Variants in CERS6 observed in about 807,000 individuals in gnomAD.
CERS6 encodes ceramide synthase 6, also known as LAG1 homolog, ceramide synthase 6.
In CERS6, 26 loss-of-function variants were observed where a neutral mutation model predicts 56.8. The observed-to-expected ratio is 0.46, with a 90% confidence interval of 0.34 to 0.63. The LOEUF (loss-of-function observed/expected upper bound fraction) is 0.63, where lower values mean the gene tolerates loss of function less well. Ranked by LOEUF, CERS6 falls within the 30% of genes least tolerant of loss-of-function variation. The pLI is 0.01. For missense variants in CERS6, 415 were observed against 467.5 expected (o/e 0.89, Z 1.04); for synonymous variants, 164 against 173.3 (o/e 0.95, Z 0.42).
chr2:168,517,527 A>AATAAATAAATAAAT (rs764294452), intron 1 of CERS6, among the ~76,000 whole-genome samples: 12 of 150,942 alleles, frequency 8.0e-5, no homozygotes, highest in Middle Eastern at 6.8e-3. Context: ...ATAAATAATA[A>AATAAATAAATAAAT]AATAAAATAA....
intron 3 of CERS6, among the ~76,000 whole-genome samples, chr2:168,578,846 G>C (rs919615095): frequency 1.3e-5 from 2 of 151,934 alleles, no homozygotes; most frequent in African/African-American, 4.8e-5. Context: ...AGTAATCCTC[G>C]GCCTCTGATA....
intron 4 of CERS6, among the ~76,000 whole-genome samples, chr2:168,659,482 C>T (rs1685573660): frequency 6.6e-6 from 1 of 152,102 alleles, no homozygotes. Context: ...CATTGTTCAT[C>T]AGATTACTTT....
chr2:168,702,736 T>C (rs1686836327), intron 6 of CERS6, among the ~76,000 whole-genome samples: 1 of 152,224 alleles, frequency 6.6e-6, no homozygotes, highest in Non-Finnish European at 1.5e-5. Context: ...ATTGATATGA[T>C]TTTAGATTCC....
intron 3 of CERS6, among the ~76,000 whole-genome samples, chr2:168,606,884 T>C (rs929737368): frequency 9.9e-5 from 15 of 152,136 alleles, no homozygotes; most frequent in African/African-American, 3.6e-4. Context: ...ACCTTCCCCC[T>C]CTCTCTCTTG....
Position 168,769,523 on chromosome 2 carries a change from A to T in CERS6, c.1016A>T (p.Asp339Val). The part of the protein sequence containing the change: ...AVSRGKVSKD[D>V]RSDIESSSDE... ...TCTACTCCACAGGTGTCCAAGGATG[A>T]TCGAAGTGATATTGAGTCTAGCTCA... The change falls in exon 10 of 10, where the codon GAT becomes GTT. Residue 339 changes from aspartate to valine, a missense_variant. By Grantham distance (152) the Asp-to-Val change is radical. Transcript: ENST00000305747. 6.2e-7 allele frequency: 1 copy of T among 1,600,574 alleles called. No homozygotes were observed. The highest frequency in any genetic ancestry group is 8.5e-7 in the Non-Finnish European group (1 of 1,175,954).
intron 5 of CERS6, 141 bp from the exon 6 acceptor site, chr2:168,694,818 C>T (rs763138419): frequency 1.7e-5 from 11 of 631,528 alleles, no homozygotes; most frequent in Non-Finnish European, 3.1e-5. Flanking sequence ...GCCCCATCAT[C>T]TACAAAAAGA....
intron 4 of CERS6, among the ~76,000 whole-genome samples, chr2:168,685,028 G>A (rs1454901839): frequency 6.6e-6 from 1 of 152,162 alleles, no homozygotes; most frequent in Admixed American, 6.6e-5. Context: ...AGTAGTTTAA[G>A]AATCTAGGTT....
intron 1 of CERS6, among the ~76,000 whole-genome samples, chr2:168,528,174 C>T (rs1695103077): frequency 6.6e-6 from 1 of 152,184 alleles, no homozygotes; most frequent in African/African-American, 2.4e-5. Context: ...CAAACCATTG[C>T]ACCATGTATT....
chr2:168,488,705 A>G (rs1415508837), intron 1 of CERS6, among the ~76,000 whole-genome samples: 1 of 151,986 alleles, frequency 6.6e-6, no homozygotes, highest in Admixed American at 6.6e-5. Context: ...CTATTTTGCT[A>G]TCTTTAAAAA....
In CERS6 at chr2:168,561,275, A is replaced by T; in HGVS notation, c.360A>T (p.Arg120Ser). 6.2e-7 allele frequency: 1 copy of T among 1,614,158 alleles called. No homozygotes were observed. Among genetic ancestry groups the T allele is most frequent in the Non-Finnish European group, 8.5e-7 (1 of 1,179,996 alleles). ...VRSIQRWFRQRRNQEKPSTLT... is the reference protein window; with the variant it reads ...VRSIQRWFRQSRNQEKPSTLT... The stretch of plus-strand genomic sequence containing the variant: ...GCATTCAGCGCTGGTTTCGACAAAG[A>T]CGCAATCAGGAGAAGCCAAGCACGC... The change falls in exon 3 of 10, where the codon AGA becomes AGT. Residue 120 changes from arginine (R) to serine (S), a missense_variant. Arg to Ser is a moderately radical substitution (Grantham distance 110). Transcript: ENST00000305747.
At chr2:168,764,330 G>A (rs1574229681) in intron 8 of CERS6, among the ~76,000 whole-genome samples, 1 of 152,112 alleles carries the variant, frequency 6.6e-6, no homozygotes, top group South Asian at 2.1e-4. Context: ...TTTTAATAGA[G>A]ACGGCGTTGC....
intron 1 of CERS6, among the ~76,000 whole-genome samples, chr2:168,482,303 A>G (rs537646254): frequency 5.9e-5 from 9 of 152,350 alleles, no homozygotes; most frequent in East Asian, 3.9e-4. Context: ...GACTAGATCA[A>G]TGGACTTGGA....
intron 3 of CERS6, among the ~76,000 whole-genome samples, chr2:168,619,889 A>G (rs986958687): frequency 1.3e-5 from 2 of 151,180 alleles, no homozygotes; most frequent in African/African-American, 4.9e-5. Context: ...ACTCATGTTT[A>G]TAGCTGCACA....
chr2:168,506,032 A>G (rs1436371755), intron 1 of CERS6, among the ~76,000 whole-genome samples: 1 of 152,142 alleles, frequency 6.6e-6, no homozygotes, highest in African/African-American at 2.4e-5. Flanking sequence ...TGACATTTGA[A>G]TGTCCTCGCT....
chr2:168,556,826 T>A (rs1380188667), intron 2 of CERS6, among the ~76,000 whole-genome samples: 1 of 151,884 alleles, frequency 6.6e-6, no homozygotes, highest in Non-Finnish European at 1.5e-5. Context: ...CAGAAACCAA[T>A]AGTTTACATA....
At chr2:168,765,519 A>G in intron 8 of CERS6, 73 bp from the exon 9 acceptor site, 1 of 1,497,798 alleles carries the variant, frequency 6.7e-7, no homozygotes, top group Non-Finnish European at 9.1e-7. Context: ...TTGTGCTTTA[A>G]TGCAGTGACT....
chr2:168,617,406 A>C (rs1188606446), intron 3 of CERS6, among the ~76,000 whole-genome samples: 1 of 152,208 alleles, frequency 6.6e-6, no homozygotes, highest in Non-Finnish European at 1.5e-5. Flanking sequence ...AATGAAATTG[A>C]AACAAAAAAA....
intron 1 of CERS6, among the ~76,000 whole-genome samples, chr2:168,512,915 C>T (rs1694814809): frequency 6.6e-6 from 1 of 152,130 alleles, no homozygotes; most frequent in African/African-American, 2.4e-5. Flanking sequence ...ATCCTCCCAC[C>T]TCGGCCTCCC....
intron 4 of CERS6, among the ~76,000 whole-genome samples, chr2:168,631,663 C>T (rs1305790074): frequency 9.0e-5 from 1 of 11,116 alleles, no homozygotes; most frequent in African/African-American, 1.8e-4. Context: ...TTATATATAA[C>T]ATTTTATATT....
Sources: gnomAD v4.1 joint callset for allele counts (sites outside exome capture counted in the v4.1 genomes callset) on GRCh38, gnomAD v4.1.1 for gene constraint, MANE v1.5 for transcripts, NCBI Gene and HGNC (gene_info 2026-07-23, HGNC 2026-07-21) for gene names.